Variants in INTS9 observed in about 807,000 individuals in gnomAD.
INTS9 encodes integrator complex subunit 9, also known as protein related to CPSF subunits of 74 kDa.
A neutral mutation model predicts 79.7 loss-of-function variants in INTS9; 55 were observed. The ratio of observed to expected loss-of-function variants is 0.69; its 90% CI spans 0.56 to 0.86. INTS9 has a LOEUF of 0.86. Among genes scored for constraint, INTS9 ranks in the 40% least tolerant of loss-of-function variants. INTS9 has a pLI of 0.00. For synonymous variants in INTS9, 319 were observed against 325.2 expected, an observed-to-expected ratio of 0.98 and a Z score of 0.20; for missense variants, 721 against 831.5, an observed-to-expected ratio of 0.87 and a Z score of 1.64.
chr8:28,833,603 G>C (rs1806626847), intron 6 of INTS9, among the ~76,000 whole-genome samples: 1 of 148,092 alleles, frequency 6.8e-6, no homozygotes, highest in Non-Finnish European at 1.5e-5. Flanking sequence ...CTGGGCGACA[G>C]AGTTAGACTC....
At chr8:28,839,771 A>C (rs896427164) in intron 4 of INTS9, among the ~76,000 whole-genome samples, 3 of 152,214 alleles carry the variant, frequency 2.0e-5, no homozygotes, top group Admixed American at 2.0e-4. Context: ...CCTTCTTTAC[A>C]CCTTATACAA....
intron 1 of INTS9, among the ~76,000 whole-genome samples, chr8:28,881,391 C>T (rs1585534339): frequency 4.3e-5 from 6 of 137,990 alleles, no homozygotes; most frequent in Non-Finnish European, 4.7e-5. Flanking sequence ...GTGAGGAGCC[C>T]CTCTGCCCGG....
intron 1 of INTS9, among the ~76,000 whole-genome samples, chr8:28,861,473 A>C (rs1808456492): frequency 6.6e-6 from 1 of 152,268 alleles, no homozygotes; most frequent in Admixed American, 6.5e-5. Flanking sequence ...AGCATGGAAG[A>C]AAATAAAATG....
intron 1 of INTS9, among the ~76,000 whole-genome samples, chr8:28,881,689 G>A (rs1236033543): frequency 7.3e-6 from 1 of 137,670 alleles, no homozygotes; most frequent in African/African-American, 2.7e-5. Context: ...CAGCCGCCCC[G>A]TCCGGGAGGG....
At chr8:28,861,320 T>C (rs1427225803) in intron 1 of INTS9, among the ~76,000 whole-genome samples, 1 of 152,186 alleles carries the variant, frequency 6.6e-6, no homozygotes, top group Non-Finnish European at 1.5e-5. Context: ...TATCCCCATC[T>C]AAGAACTATT....
intron 1 of INTS9, among the ~76,000 whole-genome samples, chr8:28,867,339 A>C (rs574274675): frequency 1.3e-5 from 2 of 152,124 alleles, no homozygotes; most frequent in Non-Finnish European, 2.9e-5. Flanking sequence ...GAATCGCTTG[A>C]ACCCAGGAGG....
intron 13 of INTS9, 153 bp from the exon 14 acceptor site, chr8:28,776,079 T>C (rs1802860591): frequency 5.4e-6 from 3 of 556,790 alleles, no homozygotes; most frequent in East Asian, 3.3e-5. Flanking sequence ...CAATGAACCG[T>C]AGACAGGAGA....
intron 4 of INTS9, among the ~76,000 whole-genome samples, chr8:28,845,633 T>C (rs1196032857): frequency 2.0e-5 from 3 of 152,150 alleles, no homozygotes; most frequent in Admixed American, 2.0e-4. Flanking sequence ...TGAAAACAAA[T>C]GTAGCACCTA....
intron 12 of INTS9, 157 bp downstream of exon 12, chr8:28,780,664 CTT>C (rs1803201448): frequency 1.0e-6 from 1 of 985,454 alleles, no homozygotes; most frequent in South Asian, 4.7e-5. Flanking sequence ...CTGCTTCACT[CTT>C]TCTCTGCGGT....
chr8:28,786,349 G>A (rs1270135685), intron 11 of INTS9, among the ~76,000 whole-genome samples: 5 of 151,668 alleles, frequency 3.3e-5, no homozygotes, highest in East Asian at 1.9e-4. Context: ...TAAGTAGCAC[G>A]ATTGCAGTTC....
At chr8:28,793,746 A>T in intron 10 of INTS9, 61 bp downstream of exon 10, 1 of 1,304,204 alleles carries the variant, frequency 7.7e-7, no homozygotes, top group Non-Finnish European at 1.0e-6. Flanking sequence ...TTTTATTCTT[A>T]CTGCTTGAAT....
intron 6 of INTS9, among the ~76,000 whole-genome samples, chr8:28,820,957 A>G (rs1262036105): frequency 2.6e-5 from 4 of 152,234 alleles, no homozygotes; most frequent in African/African-American, 4.8e-5. Context: ...CTGTTCTCCA[A>G]AGAGTACTAG....
chr8:28,793,992 A>G lies in INTS9; in HGVS notation c.857-5T>C, dbSNP rs1585364665. The G allele has an allele frequency of 6.4e-7, 1 of 1,550,846 alleles. No homozygotes were observed. Among genetic ancestry groups the G allele is most frequent in the Non-Finnish European group, 8.8e-7 (1 of 1,141,628 alleles). The stretch of plus-strand genomic sequence containing the variant: ...CTCCATTCCGGACTGTCAGAGCTAG[A>G]AAAGTGGATGCCAGAGGAGAAAAAA... On this transcript the variant is annotated splice_region_variant and splice_polypyrimidine_tract_variant and intron_variant, in intron 9 of 16. Coordinates refer to ENST00000521022, the MANE Select transcript of INTS9 (RefSeq NM_018250.4).
At chr8:28,784,183 C>A (rs1375474719) in intron 11 of INTS9, among the ~76,000 whole-genome samples, 3 of 152,318 alleles carry the variant, frequency 2.0e-5, no homozygotes, top group African/African-American at 7.2e-5. Flanking sequence ...ACGACAAGTG[C>A]ACCTGAGGAA....
intron 1 of INTS9, among the ~76,000 whole-genome samples, chr8:28,878,640 T>A (rs1329456965): frequency 2.0e-5 from 3 of 149,378 alleles, no homozygotes; most frequent in South Asian, 2.2e-4. Context: ...TTTTTTTTTT[T>A]TAAAAAAAAA....
chr8:28,795,715 C>T (rs902653611), intron 9 of INTS9, among the ~76,000 whole-genome samples: 1 of 149,956 alleles, frequency 6.7e-6, no homozygotes, highest in Non-Finnish European at 1.5e-5. Context: ...CATGAGGACA[C>T]TGCAAGATGG....
chr8:28,833,648 AC>A (rs2131167191), intron 6 of INTS9, among the ~76,000 whole-genome samples: 1 of 146,628 alleles, frequency 6.8e-6, no homozygotes, highest in African/African-American at 2.6e-5. Flanking sequence ...AAAAACAAAA[AC>A]CAAAAAAAAA....
chr8:28,874,465 A>AT lies in INTS9; in HGVS notation c.10-14903dup, dbSNP rs537482873. Among the ~76,000 whole-genome samples the AT allele has an allele frequency of 5.4e-3, 808 of 149,578 alleles. 5 individuals are homozygous for AT. The highest frequency in any genetic ancestry group is 0.016 in the African/African-American group (670 of 40,718). On this transcript the variant is annotated intron_variant, in intron 1 of 16. Transcript: ENST00000521022. The stretch of plus-strand genomic sequence containing the variant: ...CCACCATGCCCGGCTAATTTTTTGT[A>AT]TTTTTTTTTAGTAGAGATGGGGTTT...
chr8:28,812,524 C>A lies in INTS9; in HGVS notation c.610-63G>T. On this transcript the variant is annotated intron_variant, in intron 7 of 16. Coordinates refer to ENST00000521022, the MANE Select transcript of INTS9 (RefSeq NM_018250.4). ...ACAGTGACAGTCACATGAGGTAATT[C>A]TGCAGGGAAAAACAACAGAAATATC... 3.2e-6 allele frequency: 5 copies of A among 1,539,846 alleles called. No individual in the cohort carries two copies. The Admixed American group carries it at 1.0e-4, about 32-fold the overall frequency.
Sources: gnomAD v4.1 joint callset for allele counts (sites outside exome capture counted in the v4.1 genomes callset) on GRCh38, gnomAD v4.1.1 for gene constraint, MANE v1.5 for transcripts, NCBI Gene and HGNC (gene_info 2026-07-23, HGNC 2026-07-21) for gene names.